Variants in PCDHGB1 observed in about 807,000 individuals in gnomAD.
The protein encoded by PCDHGB1 is protocadherin gamma-B1.
In PCDHGB1, 34 loss-of-function variants were observed where a neutral mutation model predicts 56.6. The ratio of observed to expected loss-of-function variants is 0.60; its 90% CI spans 0.46 to 0.80. The LOEUF (loss-of-function observed/expected upper bound fraction) is 0.80, where lower values mean the gene tolerates loss of function less well. PCDHGB1 is among the 30% of genes least tolerant of loss of function. PCDHGB1 has a pLI of 0.00. For synonymous variants in PCDHGB1, 561 were observed against 505.9 expected (o/e 1.11, Z -1.46); for missense variants, 1,278 against 1,204.6 (o/e 1.06, Z -0.90).
At position 141,431,897 on chromosome 5, in the gene PCDHGB1, G is replaced by C. The variant is rs1591112104; in HGVS notation, c.2410-62910G>C. 6.2e-7 allele frequency: 1 copy of C among 1,613,830 alleles called. No homozygotes were observed. The highest frequency in any genetic ancestry group is 8.5e-7 in the Non-Finnish European group (1 of 1,179,704). ...AAATGACCAAGATTCTGAGGAAAAC[G>C]GACAGGTGATCTGTTTCATCCAAGG... On this transcript the variant is annotated intron_variant, in intron 1 of 3. Coordinates refer to ENST00000523390, the MANE Select transcript of PCDHGB1 (RefSeq NM_018922.3). The surrounding 1 kb of genome is among the most constrained non-coding windows in gnomAD (Gnocchi z 4.8).
intron 1 of PCDHGB1, chr5:141,394,026 G>A (rs745343207): frequency 6.2e-7 from 1 of 1,613,494 alleles, no homozygotes; most frequent in Admixed American, 1.7e-5. Context: ...TTATAGATTA[G>A]TGACAAGGAA....
chr5:141,355,167 A>C (rs755561054), intron 1 of PCDHGB1: 1 of 1,565,298 alleles, frequency 6.4e-7, no homozygotes, highest in Middle Eastern at 2.4e-4. Context: ...CAGAGGGAAA[A>C]CCGAAGCACA....
rs1395688351 is a variant in PCDHGB1 at position 141,485,907 on chromosome 5, C to A, written c.2410-8900C>A. On this transcript the variant is annotated intron_variant, in intron 1 of 3. Coordinates refer to ENST00000523390, the MANE Select transcript of PCDHGB1 (RefSeq NM_018922.3). The surrounding 1 kb of genome is among the most constrained non-coding windows in gnomAD (Gnocchi z 5.7). ...GACAACGCCCCAGCCTTCCAGCAAT[C>A]CAGCTACAGGATTAGTGTGTTGGAG... is the stretch of plus-strand genomic sequence containing the variant. 6.2e-7 allele frequency: 1 copy of A among 1,614,176 alleles called. No homozygotes were observed.
Position 141,364,935 on chromosome 5 carries a change from G to T in PCDHGB1, c.2409+12266G>T, listed in dbSNP as rs1240232107. ...CTGGTGTTGGAACAGCCCCTAGACCGCGAGAAAGAGACTGTTCACGACCTC... is the reference window on the plus strand; with the variant it reads ...CTGGTGTTGGAACAGCCCCTAGACCTCGAGAAAGAGACTGTTCACGACCTC... On this transcript the variant is annotated intron_variant, in intron 1 of 3. Coordinates refer to ENST00000523390, the MANE Select transcript of PCDHGB1 (RefSeq NM_018922.3). The T allele has an allele frequency of 3.1e-6, 5 of 1,613,906 alleles. No individual in the cohort carries two copies. In the Admixed American group the frequency reaches 8.3e-5, roughly 27 times the overall value.
chr5:141,465,019 G>T (rs533151051), intron 1 of PCDHGB1, among the ~76,000 whole-genome samples: 1 of 151,978 alleles, frequency 6.6e-6, no homozygotes, highest in Non-Finnish European at 1.5e-5. Context: ...TAAGATTACA[G>T]CCATGAACCA....
intron 1 of PCDHGB1, chr5:141,399,805 T>G (rs776266997): frequency 6.2e-7 from 1 of 1,613,192 alleles, no homozygotes; most frequent in Admixed American, 1.7e-5. Context: ...GCGGGTGCTG[T>G]ACCCCGCGCT....
In PCDHGB1 at chr5:141,393,826, A is replaced by T. The variant is rs1182278213; in HGVS notation, c.2409+41157A>T. 6.2e-7 allele frequency: 1 copy of T among 1,613,988 alleles called. No homozygotes were observed. Among genetic ancestry groups the T allele is most frequent in the African/African-American group, 1.3e-5 (1 of 75,050 alleles). Reference sequence around the variant, plus strand: ...AGGACCAAATTGCTCATTTCGGTGGAAGATGTAAATGACAATAGACCAGAA... The same window carrying T: ...AGGACCAAATTGCTCATTTCGGTGGTAGATGTAAATGACAATAGACCAGAA... On this transcript the variant is annotated intron_variant, in intron 1 of 3. Coordinates refer to ENST00000523390, the MANE Select transcript of PCDHGB1 (RefSeq NM_018922.3).
At chr5:141,403,748 G>A in intron 1 of PCDHGB1, 1 of 1,613,956 alleles carries the variant, frequency 6.2e-7, no homozygotes, top group East Asian at 2.2e-5. Context: ...TACTGCAACA[G>A]CCAGCGACCT....
At position 141,362,565 on chromosome 5, in the gene PCDHGB1, T is replaced by C. The variant is rs757616440; in HGVS notation, c.2409+9896T>C. The stretch of plus-strand genomic sequence containing the variant: ...CAGATACTATTTTGAAGGTGAGCTT[T>C]AATTAATTTATTTTCACTTCTGGTT... On this transcript the variant is annotated intron_variant, in intron 1 of 3. Transcript: ENST00000523390. 1.6e-5 allele frequency: 25 copies of C among 1,608,278 alleles called. No homozygotes were observed. In the African/African-American group the frequency reaches 3.2e-4, roughly 21 times the overall value.
Position 141,485,064 on chromosome 5 carries a change from G to C in PCDHGB1, c.2410-9743G>C, listed in dbSNP as rs1205637757. On this transcript the variant is annotated intron_variant, in intron 1 of 3. Transcript: ENST00000523390. The surrounding 1 kb of genome is among the most constrained non-coding windows in gnomAD (Gnocchi z 5.7). ...TTGCGGCGCCGGCCGAACCGCGCCA[G>C]AGCTGGCGCGGGGAAAGGGAGATAG... The C allele has an allele frequency of 4.9e-5, 43 of 882,320 alleles. No individual in the cohort carries two copies. The highest frequency in any genetic ancestry group is 7.4e-5 in the Non-Finnish European group (41 of 557,230). 54.7% of individuals were successfully genotyped at this position (882,320 alleles called of 1,614,324 possible).
At chr5:141,396,952 A>G (rs2093458879) in intron 1 of PCDHGB1, among the ~76,000 whole-genome samples, 1 of 152,196 alleles carries the variant, frequency 6.6e-6, no homozygotes, top group African/African-American at 2.4e-5. Context: ...AGGAAAGAAA[A>G]TCCTTACTCT....
At chr5:141,392,229 TTC>T (rs1184019586) in intron 1 of PCDHGB1, 5 of 152,224 alleles carry the variant, frequency 3.3e-5, no homozygotes, top group Admixed American at 6.5e-5. Context: ...ACAACTGAAG[TTC>T]TTAGTTATTT....
chr5:141,383,085 C>G (rs773972778), intron 1 of PCDHGB1: 15 of 1,613,862 alleles, frequency 9.3e-6, no homozygotes, highest in Non-Finnish European at 1.3e-5. Context: ...TGGCGGAGCG[C>G]GGAGTCCGCA....
In PCDHGB1 at chr5:141,389,591, C is replaced by G. The variant is rs533336501; in HGVS notation, c.2409+36922C>G. ...TGTACCCCGCGCTGGGTCCCGACGG[C>G]TCTGCGCTCTTCGATATGGTGCCGC... On this transcript the variant is annotated intron_variant, in intron 1 of 3. Transcript: ENST00000523390. 2.1e-5 allele frequency: 34 copies of G among 1,613,176 alleles called. No homozygotes were observed. The African/African-American group carries it at 2.1e-4, about 10-fold the overall frequency.
chr5:141,366,855 A>C, intron 1 of PCDHGB1: 3 of 1,456,922 alleles, frequency 2.1e-6, no homozygotes, highest in Non-Finnish European at 2.8e-6. Flanking sequence ...ATAGTGGAAC[A>C]TTATTTGCTG....
chr5:141,491,131 G>A lies in PCDHGB1; in HGVS notation c.2410-3676G>A. 1 of 1,614,182 alleles carries A rather than the reference G, an allele frequency of 6.2e-7. No individual in the cohort carries two copies. Among genetic ancestry groups the A allele is most frequent in the Non-Finnish European group, 8.5e-7 (1 of 1,180,008 alleles). ...TACACACACTGGTGAGGTGCGCACA[G>A]CCCGGGCCTTACTGGAGGATGACTC... On this transcript the variant is annotated intron_variant, in intron 1 of 3. Coordinates refer to ENST00000523390, the MANE Select transcript of PCDHGB1 (RefSeq NM_018922.3). This position sits in a 1 kb window ranked among gnomAD's most constrained non-coding sequence, Gnocchi z 6.9.
rs138608867 is a variant in PCDHGB1 at position 141,477,655 on chromosome 5, T to C, written c.2410-17152T>C. 5.0e-3 allele frequency: 8,034 copies of C among 1,614,186 alleles called. 44 individuals carry two copies. The highest frequency in any genetic ancestry group is 9.4e-3 in the Admixed American group (567 of 60,020). On this transcript the variant is annotated intron_variant, in intron 1 of 3. Coordinates refer to ENST00000523390, the MANE Select transcript of PCDHGB1 (RefSeq NM_018922.3). The surrounding 1 kb of genome is among the most constrained non-coding windows in gnomAD (Gnocchi z 4.9). ...TAGTGGGTCGCTATTTCACAATAAA[T>C]CGTGACAATGGCATAGTGTCATCCT...
In PCDHGB1 at chr5:141,381,826, C is replaced by CTTCTTTTT. The variant is rs1777532522; in HGVS notation, c.2409+29159_2409+29160insCTTTTTTT. 1.5e-3 allele frequency among the ~76,000 whole-genome samples: 109 copies of CTTCTTTTT among 74,300 alleles called. 1 individual carries two copies. Among genetic ancestry groups the CTTCTTTTT allele is most frequent in the African/African-American group, 6.4e-3 (104 of 16,204 alleles). 48.7% of individuals were successfully genotyped at this position (74,300 alleles called of 152,430 possible). On this transcript the variant is annotated intron_variant, in intron 1 of 3. Transcript: ENST00000523390. ...TTTCTTTCTTTCTTTCTTTCTTCTT[C>CTTCTTTTT]TTTTTTTTTTTTTTTTTTTTTTGGC...
chr5:141,433,017 A>G, intron 1 of PCDHGB1: 2 of 1,614,124 alleles, frequency 1.2e-6, no homozygotes, highest in Non-Finnish European at 8.5e-7. Context: ...CTGCAGACCT[A>G]TTCCCACGAG....
Sources: gnomAD v4.1 joint callset for allele counts (sites outside exome capture counted in the v4.1 genomes callset) on GRCh38, gnomAD v4.1.1 for gene constraint, Gnocchi (gnomAD v3.1) non-coding constraint, MANE v1.5 for transcripts, NCBI Gene and HGNC (gene_info 2026-07-23, HGNC 2026-07-21) for gene names.